NEK3: variants seen among roughly 807,000 people sequenced by gnomAD.
NEK3 encodes serine/threonine-protein kinase Nek3.
NEK3 carries 54 observed loss-of-function variants against 66.0 expected under a neutral mutation model. The ratio of observed to expected loss-of-function variants is 0.82; its 90% CI spans 0.66 to 1.03. The LOEUF (loss-of-function observed/expected upper bound fraction) is 1.03. Among genes scored for constraint, NEK3 ranks in the 50% least tolerant of loss-of-function variants. The pLI is 0.00. For synonymous variants in NEK3, 200 were observed against 206.2 expected (o/e 0.97, Z 0.26); for missense variants, 593 against 603.0 (o/e 0.98, Z 0.17).
chr13:52,144,661 T>C (rs761140944), intron 9 of NEK3, 30 bp downstream of exon 9: 1 of 1,587,534 alleles, frequency 6.3e-7, no homozygotes, highest in Non-Finnish European at 8.6e-7. Flanking sequence ...ACTTGAAAAC[T>C]GTTCACAACC....
At chr13:52,145,387 T>C (rs1319228092) in intron 8 of NEK3, among the ~76,000 whole-genome samples, 1 of 152,208 alleles carries the variant, frequency 6.6e-6, no homozygotes, top group East Asian at 1.9e-4. Context: ...CACTGCATCT[T>C]TGACCTCCTG....
At chr13:52,135,028 C>T (rs1267766945) in intron 14 of NEK3, among the ~76,000 whole-genome samples, 1 of 152,130 alleles carries the variant, frequency 6.6e-6, no homozygotes, top group Non-Finnish European at 1.5e-5. Flanking sequence ...CCATTACATG[C>T]TCTACTTGGT....
Position 52,143,920 on chromosome 13 carries a change from T to C in NEK3, c.872A>G (p.Lys291Arg). 6.2e-6 allele frequency: 9 copies of C among 1,456,312 alleles called. No homozygotes were observed. Among genetic ancestry groups the C allele is most frequent in the Non-Finnish European group, 8.4e-6 (9 of 1,067,636 alleles). 90.2% of individuals were successfully genotyped at this position (1,456,312 alleles called of 1,614,324 possible). The part of the protein sequence containing the change: ...IKNSKHNTPR[K>R]KTNPSRIRIA... ...TACTCTGTCAAAATTCTTACTTTTT[T>C]TTCTTGGTGTGTTATGCTTCGAATT... is the stretch of plus-strand genomic sequence containing the variant. Residue 291 changes from lysine (K) to arginine (R), a missense_variant, in exon 10 of 16, where the codon AAA becomes AGA. Lys to Arg is a conservative substitution (Grantham distance 26). Transcript: ENST00000610828.
intron 5 of NEK3, among the ~76,000 whole-genome samples, chr13:52,152,250 T>C (rs541852136): frequency 6.6e-6 from 1 of 152,258 alleles, no homozygotes; most frequent in East Asian, 1.9e-4. Flanking sequence ...TAATAATGCA[T>C]AGAATACTTA....
At position 52,156,224 on chromosome 13, in the gene NEK3, C is replaced by T. The variant is rs373438358; in HGVS notation, c.-33G>A. 4.1e-4 allele frequency: 549 copies of T among 1,333,136 alleles called. No homozygotes were observed. Among genetic ancestry groups the T allele is most frequent in the Non-Finnish European group, 5.5e-4 (517 of 943,082 alleles). 82.6% of individuals were successfully genotyped at this position (1,333,136 alleles called of 1,614,324 possible). A position where few individuals can be genotyped will look rare whatever the true frequency, so the allele number is the denominator to read the frequency against. On this transcript the variant is annotated 5_prime_UTR_variant, in exon 2 of 16. The change creates a new upstream start codon in the 5' untranslated region. Transcript: ENST00000610828. ...CATCCACACAGCTGGGCTCCACTCA[C>T]GCAGTCACCATGGGCTCTCCCAAAC...
Position 52,154,131 on chromosome 13 carries a change from AAAG to A in NEK3, c.157_159del (p.Leu54del). On this transcript the variant is annotated inframe_deletion, in exon 3 of 16. Transcript: ENST00000610828. ...ATATTAGGGTGTTTCATTTTGGCTA[AAAG>A]AACAGCCTCCTTCCTAGAATTCTGT... The A allele has an allele frequency of 6.2e-7, 1 of 1,611,908 alleles. No homozygotes were observed.
intron 7 of NEK3, among the ~76,000 whole-genome samples, chr13:52,149,574 G>A (rs1956323510): frequency 6.6e-6 from 1 of 151,834 alleles, no homozygotes; most frequent in Non-Finnish European, 1.5e-5. Context: ...TGAATCTCCT[G>A]AAAAAAGGTT....
In NEK3 at chr13:52,144,695, G is replaced by GTTA; in HGVS notation, c.799_800insTAA (p.Pro267delinsLeuThr). On this transcript the variant is annotated protein_altering_variant, in exon 9 of 16. Coordinates refer to ENST00000610828, the MANE Select transcript of NEK3 (RefSeq NM_002498.3). ...CCAATCCAACACAGATCATACCTCG[G>GTTA]GGGGTAAGCACTTCTGGACAAGCCG... 1 of 1,613,638 alleles carries GTTA rather than the reference G, an allele frequency of 6.2e-7. No individual in the cohort carries two copies. Among genetic ancestry groups the GTTA allele is most frequent in the Non-Finnish European group, 8.5e-7 (1 of 1,179,712 alleles).
chr13:52,133,699 C>T lies in NEK3; in HGVS notation c.1426G>A (p.Glu476Lys), dbSNP rs201965240. 838 of 1,554,564 alleles carry T rather than the reference C, an allele frequency of 5.4e-4. 1 individual carries two copies. The highest frequency in any genetic ancestry group is 4.4e-4 in the Non-Finnish European group (503 of 1,148,216). ...CATATCACAACGTACGTGTCCTCCTCATCTAGCCCAGGCTCAAGTCGCTCT... is the reference window on the plus strand; with the variant it reads ...CATATCACAACGTACGTGTCCTCCTTATCTAGCCCAGGCTCAAGTCGCTCT... ...DPERLEPGLD[E>K]EDTDFEEEDD... is the part of the protein sequence containing the mutation. The change falls in exon 15 of 16, where the codon GAG becomes AAG. Residue 476 changes from glutamate (E) to lysine (K), a missense_variant. Physicochemically the swap from Glu to Lys is moderately conservative, Grantham distance 56. Transcript: ENST00000610828.
chr13:52,147,659 G>A (rs1272134247), intron 8 of NEK3, among the ~76,000 whole-genome samples: 3 of 152,136 alleles, frequency 2.0e-5, no homozygotes, highest in Non-Finnish European at 4.4e-5. Flanking sequence ...TGGTTGGGGT[G>A]ATGACAAAAG....
chr13:52,136,839 C>A lies in NEK3; in HGVS notation c.991G>T (p.Val331Phe). ...TDLESINENL[V>F]ESALRRVNRE... ...TTTACTCTTCTCAATGCACTTTCAA[C>A]TAAATTTTCATTAATGCTTTCCAAA... The change falls in exon 12 of 16, where the codon GTT becomes TTT. Residue 331 changes from valine to phenylalanine, a missense_variant. Physicochemically the swap from Val to Phe is conservative, Grantham distance 50. Coordinates refer to ENST00000610828, the MANE Select transcript of NEK3 (RefSeq NM_002498.3). The A allele has an allele frequency of 6.4e-7, 1 of 1,572,368 alleles. No homozygotes were observed. Among genetic ancestry groups the A allele is most frequent in the Non-Finnish European group, 8.6e-7 (1 of 1,157,256 alleles).
At chr13:52,134,687 C>T (rs1015797956) in intron 14 of NEK3, among the ~76,000 whole-genome samples, 29 of 152,184 alleles carry the variant, frequency 1.9e-4, no homozygotes, top group African/African-American at 6.5e-4. Context: ...ACAAAGACTT[C>T]ATCACTGGAC....
chr13:52,133,902 C>A lies in NEK3; in HGVS notation c.1310-87G>T. 2.2e-6 allele frequency: 3 copies of A among 1,360,002 alleles called. No individual in the cohort carries two copies. In the South Asian group the frequency reaches 4.1e-5, roughly 19 times the overall value. The allele number at this position is 1,360,002 out of a possible 1,614,324, so 84.2% of individuals were successfully genotyped here. A position where few individuals can be genotyped will look rare whatever the true frequency, so the allele number is the denominator to read the frequency against. On this transcript the variant is annotated intron_variant, in intron 14 of 15. Transcript: ENST00000610828. Reference sequence around the variant, plus strand: ...TTGATTAAAATCCTCCGTAAGCTTGCTGGCTGAGGACAATGCCATGTCCCA... The same window carrying A: ...TTGATTAAAATCCTCCGTAAGCTTGATGGCTGAGGACAATGCCATGTCCCA...
In NEK3 at chr13:52,151,375, CTGAG is replaced by C. The variant is rs1460440105; in HGVS notation, c.407_410del (p.Thr136ArgfsTer5). On this transcript the variant is annotated frameshift_variant, in exon 6 of 16. Coordinates refer to ENST00000610828, the MANE Select transcript of NEK3 (RefSeq NM_002498.3). LOFTEE classifies it high-confidence loss of function. ...AGTCTCCCAATTTCACTTTTCCATT[CTGAG>C]TGAGGAAGATATTCTGCATTTAAAA... The C allele has an allele frequency of 1.9e-6, 3 of 1,589,408 alleles. No homozygotes were observed. The African/African-American group carries it at 4.0e-5, about 21-fold the overall frequency.
chr13:52,142,081 T>C (rs1238598835), intron 10 of NEK3, among the ~76,000 whole-genome samples: 1 of 151,946 alleles, frequency 6.6e-6, no homozygotes, highest in East Asian at 1.9e-4. Flanking sequence ...AGTGAGACTC[T>C]GTCTCAAAAA....
Position 52,133,825 on chromosome 13 carries a change from A to T in NEK3, c.1310-10T>A. ...AAGAACCCTTCTGAACCTTCAGGAG[A>T]TATTAACAGAAAATATACCAATTTA... is the stretch of plus-strand genomic sequence containing the variant. On this transcript the variant is annotated splice_polypyrimidine_tract_variant and intron_variant, in intron 14 of 15. Transcript: ENST00000610828. The T allele has an allele frequency of 6.3e-7, 1 of 1,590,890 alleles. No homozygotes were observed. Among genetic ancestry groups the T allele is most frequent in the Non-Finnish European group, 8.6e-7 (1 of 1,167,784 alleles).
At chr13:52,147,500 G>C (rs527642428) in intron 8 of NEK3, among the ~76,000 whole-genome samples, 6 of 152,306 alleles carry the variant, frequency 3.9e-5, no homozygotes, top group African/African-American at 1.2e-4. Flanking sequence ...CACTGTGCTA[G>C]TGAAATAAAC....
At chr13:52,152,581 T>C in intron 5 of NEK3, 28 bp downstream of exon 5, 1 of 1,491,736 alleles carries the variant, frequency 6.7e-7, no homozygotes, top group Non-Finnish European at 9.2e-7. Context: ...ACTTTTTTTT[T>C]TTAAGTCCAA....
At position 52,151,520 on chromosome 13, in the gene NEK3, G is replaced by C; in HGVS notation, c.394-128C>G. ...ATGCTGACAGCTGAGTCCCAGAGTG[G>C]AACACAAAACACCAAGATCCCCTCT... On this transcript the variant is annotated intron_variant, in intron 5 of 15. Transcript: ENST00000610828. The C allele has an allele frequency of 5.1e-6, 4 of 781,082 alleles. No homozygotes were observed. The East Asian group carries it at 8.1e-5, about 16-fold the overall frequency. The allele number at this position is 781,082 out of a possible 1,614,324, so 48.4% of individuals were successfully genotyped here. A position where few individuals can be genotyped will look rare whatever the true frequency, so the allele number is the denominator to read the frequency against.
Sources: allele counts gnomAD v4.1 joint callset (sites outside exome capture counted in the v4.1 genomes callset), GRCh38; gene constraint gnomAD v4.1.1; transcripts MANE v1.5; gene names NCBI Gene and HGNC (gene_info 2026-07-23, HGNC 2026-07-21).